PCNT: variants seen among roughly 807,000 people sequenced by gnomAD.
PCNT encodes the protein pericentrin, also known as kendrin.
A neutral mutation model predicts 380.4 loss-of-function variants in PCNT; 319 were observed. The ratio of observed to expected loss-of-function variants is 0.84; its 90% CI spans 0.77 to 0.92. The LOEUF is 0.92. Among genes scored for constraint, PCNT ranks in the 40% least tolerant of loss-of-function variants. PCNT has a pLI of 0.00. For synonymous variants in PCNT, 1,845 were observed against 1,735.2 expected (o/e 1.06, Z -1.57); for missense variants, 4,400 against 4,255.3 (o/e 1.03, Z -0.95).
At chr21:46,407,565 G>A (rs1261015992) in intron 27 of PCNT, among the ~76,000 whole-genome samples, 2 of 151,914 alleles carry the variant, frequency 1.3e-5, no homozygotes, top group South Asian at 2.1e-4. Flanking sequence ...GGATGGTCTC[G>A]ATCTCCTGAC....
Position 46,390,756 on chromosome 21 carries a change from C to T in PCNT, c.3927C>T (p.His1309=), listed in dbSNP as rs1324171225. ...NEETAQVVRK[H]QELLECLKEE... Reference sequence around the variant, plus strand: ...AGACAGCACAGGTTGTCAGGAAGCACCAGGAGCTGCTGGAGTGTTTGAAGG... The same window carrying T: ...AGACAGCACAGGTTGTCAGGAAGCATCAGGAGCTGCTGGAGTGTTTGAAGG... The change falls in exon 20 of 47, where the codon CAC becomes CAT. Residue 1309 remains histidine, a synonymous_variant. Transcript: ENST00000359568. 6.2e-7 allele frequency: 1 copy of T among 1,613,340 alleles called. No homozygotes were observed. Among genetic ancestry groups the T allele is most frequent in the Admixed American group, 1.7e-5 (1 of 60,008 alleles).
intron 15 of PCNT, among the ~76,000 whole-genome samples, chr21:46,372,164 G>GCA (rs1162001515): frequency 6.9e-6 from 1 of 144,222 alleles, no homozygotes; most frequent in Non-Finnish European, 1.5e-5. Context: ...CAAGGCACAC[G>GCA]CACACACACA....
intron 15 of PCNT, among the ~76,000 whole-genome samples, chr21:46,367,371 A>G (rs1211268941): frequency 2.1e-5 from 3 of 146,012 alleles, no homozygotes; most frequent in Non-Finnish European, 4.5e-5. Context: ...GCAGTGGCGC[A>G]ATCTTGGCTC....
In PCNT at chr21:46,431,391, C is replaced by G. The variant is rs1192008305; in HGVS notation, c.8065-138C>G. ...GATGAACTAACAAAAAAATGTTGTC[C>G]CTACATGTGGCTAATAGGGTGCATT... On this transcript the variant is annotated intron_variant, in intron 37 of 46. Transcript: ENST00000359568. The G allele has an allele frequency of 4.0e-6, 6 of 1,509,124 alleles. No homozygotes were observed. In the East Asian group the frequency reaches 1.4e-4, roughly 36 times the overall value. 93.5% of individuals were successfully genotyped at this position (1,509,124 alleles called of 1,614,324 possible).
At position 46,389,203 on chromosome 21, in the gene PCNT, G is replaced by A. The variant is rs768730890; in HGVS notation, c.3612G>A (p.Pro1204=). ...CGGCATCTGCTCATCTTGTAGCTCC[G>A]GCGCTGGAGGAGACATGGTCTGATG... ...AGAGLALSTA[P]ALEETWSDVA... Residue 1204 remains proline (P), a synonymous_variant, in exon 19 of 47, where the codon CCG becomes CCA. Transcript: ENST00000359568. 17 of 1,613,818 alleles carry A rather than the reference G, an allele frequency of 1.1e-5. No individual in the cohort carries two copies. Among genetic ancestry groups the A allele is most frequent in the Admixed American group, 8.3e-5 (5 of 60,002 alleles).
chr21:46,351,407 C>G (rs2084265494), intron 8 of PCNT, 22 bp from the exon 9 acceptor site: 1 of 1,377,156 alleles, frequency 7.3e-7, no homozygotes, highest in Non-Finnish European at 1.0e-6. Context: ...AGGGTTTCAC[C>G]TGGACACTTT....
intron 27 of PCNT, among the ~76,000 whole-genome samples, chr21:46,405,074 C>T (rs2086584047): frequency 6.6e-6 from 1 of 152,060 alleles, no homozygotes; most frequent in African/African-American, 2.4e-5. Flanking sequence ...CCCATCTCTA[C>T]AAATTTTTTT....
chr21:46,366,816 G>A lies in PCNT; in HGVS notation c.2842G>A (p.Glu948Lys), dbSNP rs752300035. The part of the protein sequence containing the change: ...QGALLAARVA[E>K]LQTKHAADLG... ...GGCTCTGCTGGCTGCACGTGTGGCC[G>A]AACTGCAGACAAAACACGCTGCCGA... Residue 948 changes from glutamate (E) to lysine (K), a missense_variant, in exon 15 of 47, where the codon GAA (glutamate) becomes AAA (lysine). Coordinates refer to ENST00000359568, the MANE Select transcript of PCNT (RefSeq NM_006031.6). 6.2e-6 allele frequency: 10 copies of A among 1,613,762 alleles called. No homozygotes were observed. The highest frequency in any genetic ancestry group is 1.7e-5 in the Admixed American group (1 of 60,014).
rs2087689540 is a variant in PCNT, at chr21:46,430,188, G to A, written c.7869G>A (p.Leu2623=). Residue 2623 remains leucine (L), a synonymous_variant, in exon 36 of 47, where the codon CTG becomes CTA. Coordinates refer to ENST00000359568, the MANE Select transcript of PCNT (RefSeq NM_006031.6). ...AGAGCAGGCAGAAGAGCGAACAGCTGTCCCGGTCCCTCTGCGAGGTGCAGC... is the reference window on the plus strand; with the variant it reads ...AGAGCAGGCAGAAGAGCGAACAGCTATCCCGGTCCCTCTGCGAGGTGCAGC... ...LCESRQKSEQ[L]SRSLCEVQQE... 6.2e-7 allele frequency: 1 copy of A among 1,613,848 alleles called. No individual in the cohort carries two copies. The highest frequency in any genetic ancestry group is 1.3e-5 in the African/African-American group (1 of 74,926).
Position 46,416,134 on chromosome 21 carries a change from G to C in PCNT, c.6216G>C (p.Gln2072His). ...PKVDLVAQVK[Q>H]LQEKLNRLLY... is the part of the protein sequence containing the mutation. ...TCGATCTCGTAGCTCAGGTGAAACA[G>C]CTTCAGGAAAAACTGAACCGTTTGC... The change falls in exon 30 of 47, where the codon CAG becomes CAC. Residue 2072 changes from glutamine to histidine, a missense_variant. Gln to His is a conservative substitution (Grantham distance 24). Coordinates refer to ENST00000359568, the MANE Select transcript of PCNT (RefSeq NM_006031.6). The C allele has an allele frequency of 3.1e-6, 5 of 1,614,180 alleles. No individual in the cohort carries two copies. Among genetic ancestry groups the C allele is most frequent in the Non-Finnish European group, 4.2e-6 (5 of 1,180,028 alleles).
chr21:46,347,027 G>A, intron 5 of PCNT, 29 bp downstream of exon 5: 1 of 1,583,648 alleles, frequency 6.3e-7, no homozygotes. Context: ...GGCACGGGCA[G>A]CGTGTGGGCT....
chr21:46,381,495 C>T (rs192084045), intron 15 of PCNT, among the ~76,000 whole-genome samples, 199 bp from the exon 16 acceptor site: 33 of 152,172 alleles, frequency 2.2e-4, no homozygotes, highest in African/African-American at 5.3e-4. Flanking sequence ...GTTTTATCCC[C>T]GAAACCAGGA....
In PCNT at chr21:46,416,670, T is replaced by C. The variant is rs2073306216; in HGVS notation, c.6752T>C (p.Leu2251Pro). ...SLPVTPHSGALSLCSADTSLG... is the reference protein window; with the variant it reads ...SLPVTPHSGAPSLCSADTSLG... ...CCCGTGACACCCCACTCAGGAGCCCTGAGCCTGTGCAGTGCCGACACATCC... is the reference window on the plus strand; with the variant it reads ...CCCGTGACACCCCACTCAGGAGCCCCGAGCCTGTGCAGTGCCGACACATCC... The change falls in exon 30 of 47, where the codon CTG becomes CCG. Residue 2251 changes from leucine to proline, a missense_variant. Leu to Pro is a moderately conservative substitution (Grantham distance 98, BLOSUM62 -3). Transcript: ENST00000359568. 1 of 1,565,034 alleles carries C rather than the reference T, an allele frequency of 6.4e-7. No individual in the cohort carries two copies. The highest frequency in any genetic ancestry group is 1.4e-5 in the African/African-American group (1 of 73,786).
chr21:46,379,591 G>A (rs570673304), intron 15 of PCNT, among the ~76,000 whole-genome samples: 2 of 152,204 alleles, frequency 1.3e-5, no homozygotes, highest in South Asian at 4.1e-4. Flanking sequence ...CTGGCTTGAG[G>A]GTGCCCCACA....
chr21:46,362,226 C>T (rs1382893505), intron 13 of PCNT, among the ~76,000 whole-genome samples: 2 of 152,196 alleles, frequency 1.3e-5, no homozygotes, highest in East Asian at 3.8e-4. Context: ...TGGGCGGGTT[C>T]CTTCCCAGGC....
chr21:46,416,876 G>T, intron 30 of PCNT, 37 bp downstream of exon 30: 4 of 1,592,330 alleles, frequency 2.5e-6, no homozygotes, highest in Non-Finnish European at 3.4e-6. Flanking sequence ...TGCTGTTCCC[G>T]TGGGAATGTG....
At chr21:46,332,108 C>T (rs997106319) in intron 2 of PCNT, among the ~76,000 whole-genome samples, 5 of 152,192 alleles carry the variant, frequency 3.3e-5, no homozygotes, top group East Asian at 1.9e-4. Context: ...TGCACTGAGC[C>T]GAGATCGCGC....
At chr21:46,369,119 A>G (rs2085030020) in intron 15 of PCNT, among the ~76,000 whole-genome samples, 1 of 152,212 alleles carries the variant, frequency 6.6e-6, no homozygotes, top group Non-Finnish European at 1.5e-5. Context: ...AGAAAGCAGA[A>G]TATGTTCAGG....
Position 46,415,496 on chromosome 21 carries a change from T to TGCCTCA in PCNT, c.6151-567_6151-562dup, listed in dbSNP as rs1254673709. 2.0e-5 allele frequency among the ~76,000 whole-genome samples: 3 copies of TGCCTCA among 147,952 alleles called. No individual in the cohort carries two copies. In the East Asian group the frequency reaches 6.2e-4, roughly 31 times the overall value. Reference sequence around the variant, plus strand: ...CACCTCCTGGGTTCAAGCAATTCACTGCCTCAGCCTCCCGAGTAGCTAGGA... The same window carrying TGCCTCA: ...CACCTCCTGGGTTCAAGCAATTCACTGCCTCAGCCTCAGCCTCCCGAGTAGCTAGGA... On this transcript the variant is annotated intron_variant, in intron 29 of 46. Coordinates refer to ENST00000359568, the MANE Select transcript of PCNT (RefSeq NM_006031.6).
Sources: allele counts gnomAD v4.1 joint callset (sites outside exome capture counted in the v4.1 genomes callset), GRCh38; gene constraint gnomAD v4.1.1; transcripts MANE v1.5; gene names NCBI Gene and HGNC (gene_info 2026-07-23, HGNC 2026-07-21).